Variants in NINJ2 observed in about 807,000 individuals in gnomAD.
NINJ2 encodes the protein ninjurin 2.
A neutral mutation model predicts 11.7 loss-of-function variants in NINJ2; 12 were observed. That is an observed-to-expected ratio of 1.02 (90% CI 0.66 to 1.66). The LOEUF is 1.66. Ranked by LOEUF, NINJ2 falls within the 40% of genes most tolerant of loss-of-function variation. NINJ2 has a pLI of 0.00. For synonymous variants in NINJ2, 93 were observed against 76.8 expected (o/e 1.21, Z -1.10); for missense variants, 187 against 181.8 (o/e 1.03, Z -0.16).
intron 1 of NINJ2, among the ~76,000 whole-genome samples, chr12:626,680 C>T (rs1364386779): frequency 6.6e-6 from 1 of 152,168 alleles, no homozygotes; most frequent in African/African-American, 2.4e-5. Context: ...TCCTGGCTTT[C>T]TCACTAGCTG....
chr12:627,417 T>C (rs947717426), intron 1 of NINJ2, among the ~76,000 whole-genome samples: 7 of 152,132 alleles, frequency 4.6e-5, no homozygotes, highest in African/African-American at 1.4e-4. Flanking sequence ...ATGAATGAAA[T>C]AGAGAACTAG....
intron 1 of NINJ2, among the ~76,000 whole-genome samples, chr12:622,365 A>C (rs1368599575): frequency 7.5e-6 from 1 of 133,378 alleles, no homozygotes; most frequent in African/African-American, 2.8e-5. Context: ...AGCTGAGATC[A>C]CGCCACTGCA....
chr12:634,153 T>TC (rs1394098936), intron 1 of NINJ2, among the ~76,000 whole-genome samples: 1 of 151,788 alleles, frequency 6.6e-6, no homozygotes, highest in African/African-American at 2.4e-5. Context: ...CGCCTTGATA[T>TC]ATATACCTCC....
intron 1 of NINJ2, among the ~76,000 whole-genome samples, chr12:635,901 G>A (rs927436265): frequency 2.6e-5 from 4 of 151,136 alleles, no homozygotes; most frequent in African/African-American, 9.7e-5. Flanking sequence ...ATGGTAAAAC[G>A]CTGTCTCTAA....
At chr12:600,243 G>A (rs1444345643) in intron 1 of NINJ2, among the ~76,000 whole-genome samples, 2 of 152,062 alleles carry the variant, frequency 1.3e-5, no homozygotes, top group Non-Finnish European at 2.9e-5. Flanking sequence ...CGAGGGAAAT[G>A]GAGCTAGAGG....
At chr12:578,161 CCT>C (rs952258123) in intron 1 of NINJ2, among the ~76,000 whole-genome samples, 10 of 152,206 alleles carry the variant, frequency 6.6e-5, no homozygotes, top group Non-Finnish European at 1.2e-4. Flanking sequence ...TCACGTACCC[CCT>C]GATTACTCAA....
intron 1 of NINJ2, among the ~76,000 whole-genome samples, chr12:602,728 A>T (rs541341380): frequency 4.6e-5 from 7 of 152,346 alleles, no homozygotes; most frequent in Admixed American, 1.3e-4. Flanking sequence ...CCAGTAAAGT[A>T]GGAGATTCCA....
rs193083884 is a variant in NINJ2, at chr12:652,871, C to T, written c.33+10457G>A. ...CTGAGGCAGGAGAATCGCTTGAACC[C>T]GGGAAGCGAAGGTTGCAGTGAGCCG... On this transcript the variant is annotated intron_variant, in intron 1 of 3. Transcript: ENST00000305108. 3.0e-3 allele frequency among the ~76,000 whole-genome samples: 453 copies of T among 149,720 alleles called. 4 individuals carry two copies. Among genetic ancestry groups the T allele is most frequent in the African/African-American group, 8.9e-3 (363 of 40,722 alleles).
At chr12:595,937 T>C (rs1330999649) in intron 1 of NINJ2, among the ~76,000 whole-genome samples, 1 of 152,204 alleles carries the variant, frequency 6.6e-6, no homozygotes, top group Non-Finnish European at 1.5e-5. Flanking sequence ...GATGTCCACA[T>C]GATACGTCAT....
chr12:597,143 G>T (rs1012309438), intron 1 of NINJ2, among the ~76,000 whole-genome samples: 1 of 152,182 alleles, frequency 6.6e-6, no homozygotes, highest in Non-Finnish European at 1.5e-5. Context: ...GGGGAAAAAT[G>T]GAAGGCGAAA....
chr12:606,839 T>C (rs1947947417), intron 1 of NINJ2, among the ~76,000 whole-genome samples: 1 of 152,066 alleles, frequency 6.6e-6, no homozygotes, highest in Non-Finnish European at 1.5e-5. Flanking sequence ...CGAGTTGCTT[T>C]GGCACTAAGC....
In NINJ2 at chr12:577,897, A is replaced by T. The variant is rs149781934; in HGVS notation, c.34-11719T>A. Among the ~76,000 whole-genome samples the T allele has an allele frequency of 1.1e-3, 166 of 151,638 alleles. 3 individuals carry two copies. The highest frequency in any genetic ancestry group is 3.9e-3 in the African/African-American group (161 of 41,310). On this transcript the variant is annotated intron_variant, in intron 1 of 3. Transcript: ENST00000305108. ...TATTTTTATTTTTTTTTAAGACAGG[A>T]TCTCCCTCTGTCACCCTAAGGGAGG...
At chr12:567,440 A>C (rs1947316404) in intron 1 of NINJ2, among the ~76,000 whole-genome samples, 1 of 152,240 alleles carries the variant, frequency 6.6e-6, no homozygotes, top group Non-Finnish European at 1.5e-5. Context: ...CATAATTTAC[A>C]TTTGATTTTG....
chr12:604,380 G>A (rs1947910782), intron 1 of NINJ2, among the ~76,000 whole-genome samples: 1 of 152,224 alleles, frequency 6.6e-6, no homozygotes, highest in Non-Finnish European at 1.5e-5. Flanking sequence ...GCTCACGCCT[G>A]TAATCCCAGC....
chr12:625,280 G>A (rs1461028754), intron 1 of NINJ2, among the ~76,000 whole-genome samples: 1 of 152,152 alleles, frequency 6.6e-6, no homozygotes, highest in Non-Finnish European at 1.5e-5. Flanking sequence ...AGCCTTGGAA[G>A]CAGCAGGTGG....
chr12:616,395 TGAGA>T (rs200417468), intron 1 of NINJ2, among the ~76,000 whole-genome samples: 2,452 of 152,324 alleles, frequency 0.016, 29 homozygotes, highest in Non-Finnish European at 0.026. Flanking sequence ...CTAGACTGCC[TGAGA>T]GAGAGGACTG....
chr12:663,368 C>T lies in NINJ2; in HGVS notation c.-8G>A, dbSNP rs530757674. ...TTCTCTTGCTGATTCCATCTCGCTG[C>T]CCTCAAGTCCCTTCACACGCACCGG... is the stretch of plus-strand genomic sequence containing the variant. On this transcript the variant is annotated 5_prime_UTR_variant, in exon 1 of 4. Transcript: ENST00000305108. 22 of 1,614,210 alleles carry T rather than the reference C, an allele frequency of 1.4e-5. No individual in the cohort carries two copies. The South Asian group carries it at 2.1e-4, about 15-fold the overall frequency.
At chr12:567,706 T>C (rs1947320723) in intron 1 of NINJ2, among the ~76,000 whole-genome samples, 2 of 152,164 alleles carry the variant, frequency 1.3e-5, no homozygotes, top group South Asian at 4.1e-4. Flanking sequence ...TATGAGCCCT[T>C]AGGATACCCC....
chr12:595,260 A>T (rs757580223), intron 1 of NINJ2, among the ~76,000 whole-genome samples: 4 of 152,254 alleles, frequency 2.6e-5, no homozygotes, highest in Non-Finnish European at 5.9e-5. Context: ...ATAGGAGGAA[A>T]TCTAGATGAT....
Sources: allele counts gnomAD v4.1 joint callset (sites outside exome capture counted in the v4.1 genomes callset), GRCh38; gene constraint gnomAD v4.1.1; transcripts MANE v1.5; gene names NCBI Gene and HGNC (gene_info 2026-07-23, HGNC 2026-07-21).